ZNF442: variants seen among roughly 807,000 people sequenced by gnomAD.
ZNF442 encodes the protein zinc finger protein 442.
A neutral mutation model predicts 57.0 loss-of-function variants in ZNF442; 45 were observed. The ratio of observed to expected loss-of-function variants is 0.79; its 90% CI spans 0.62 to 1.01. The LOEUF is 1.01. Among genes scored for constraint, ZNF442 ranks in the 50% least tolerant of loss-of-function variants. The pLI is 0.00. For synonymous variants in ZNF442, 213 were observed against 241.8 expected (o/e 0.88, Z 1.10); for missense variants, 690 against 756.5 (o/e 0.91, Z 1.03).
chr19:12,362,615 C>T (rs532083393), intron 3 of ZNF442, among the ~76,000 whole-genome samples: 9 of 150,738 alleles, frequency 6.0e-5, no homozygotes, highest in South Asian at 2.1e-4. Flanking sequence ...GCCTGGCAGC[C>T]GCCCCCTCCG....
chr19:12,367,095 C>A (rs144484649), upstream of ZNF442, among the ~76,000 whole-genome samples: 1 of 152,198 alleles, frequency 6.6e-6, no homozygotes, highest in African/African-American at 2.4e-5. Context: ...AGAACCCACA[C>A]CCAGCTGAAG....
intron 3 of ZNF442, among the ~76,000 whole-genome samples, chr19:12,354,586 G>A (rs540196095): frequency 6.6e-6 from 1 of 151,390 alleles, no homozygotes; most frequent in South Asian, 2.1e-4. Flanking sequence ...TTTTTGGAGG[G>A]GGGAGACAGA....
At position 12,350,408 on chromosome 19, in the gene ZNF442, G is replaced by A. The variant is rs139433509; in HGVS notation, c.1177C>T (p.Arg393Ter). ...GKALSHHSSF[R>*]SHMIMHTGDG... ...CCAGTGTGCATTATCATATGACTTCGAAAGCTTGAGTGATGAGATAACGCT... is the reference window on the plus strand; with the variant it reads ...CCAGTGTGCATTATCATATGACTTCAAAAGCTTGAGTGATGAGATAACGCT... The change falls in exon 6 of 6, where the codon CGA becomes TGA. Residue 393 changes from arginine (R) to a stop codon, truncating the protein, a stop_gained. Coordinates refer to ENST00000242804, the MANE Select transcript of ZNF442 (RefSeq NM_030824.3). LOFTEE classifies it high-confidence loss of function. 7.6e-5 allele frequency: 122 copies of A among 1,613,204 alleles called. No individual in the cohort carries two copies. Among genetic ancestry groups the A allele is most frequent in the Admixed American group, 7.0e-4 (42 of 59,940 alleles).
At chr19:12,354,832 C>A (rs2144823259) in intron 3 of ZNF442, among the ~76,000 whole-genome samples, 1 of 152,292 alleles carries the variant, frequency 6.6e-6, no homozygotes, top group African/African-American at 2.4e-5. Flanking sequence ...GCTTACTTTA[C>A]TGTGAGAATA....
chr19:12,351,406 C>T (rs1969235957), intron 5 of ZNF442, 88 bp from the exon 6 acceptor site: 1 of 1,232,670 alleles, frequency 8.1e-7, no homozygotes, highest in Middle Eastern at 2.4e-4. Flanking sequence ...ATTTTTACAT[C>T]ATCATGCAAC....
chr19:12,352,214 G>A (rs1160546851), intron 4 of ZNF442, 144 bp from the exon 5 acceptor site: 1 of 691,310 alleles, frequency 1.4e-6, no homozygotes, highest in Non-Finnish European at 2.3e-6. Flanking sequence ...TACCTCGTAA[G>A]TCCACTTATT....
intron 3 of ZNF442, among the ~76,000 whole-genome samples, chr19:12,360,637 C>T (rs1237073458): frequency 1.3e-5 from 2 of 152,178 alleles, no homozygotes; most frequent in Non-Finnish European, 1.5e-5. Context: ...AGTGCAGTGG[C>T]GCGATCTCAG....
chr19:12,352,053 T>C lies in ZNF442; in HGVS notation c.223A>G (p.Thr75Ala). 1 of 1,613,860 alleles carries C rather than the reference T, an allele frequency of 6.2e-7. No individual in the cohort carries two copies. Among genetic ancestry groups the C allele is most frequent in the East Asian group, 2.2e-5 (1 of 44,850 alleles). Residue 75 changes from threonine (T) to alanine (A), a missense_variant, in exon 5 of 6, where the codon ACA becomes GCA. By Grantham distance (58) the Thr-to-Ala change is moderately conservative. Transcript: ENST00000242804. The part of the protein sequence containing the change: ...LDCIGMKWED[T>A]NIEDQHRNPR... Reference sequence around the variant, plus strand: ...TTTCTGTGCTGATCTTCAATGTTTGTGTCTTCCCATTTCATTCCTAAAAGG... The same window carrying C: ...TTTCTGTGCTGATCTTCAATGTTTGCGTCTTCCCATTTCATTCCTAAAAGG...
At chr19:12,368,632 C>T (rs1969557112), upstream of ZNF442, among the ~76,000 whole-genome samples, 1 of 152,176 alleles carries the variant, frequency 6.6e-6, no homozygotes, top group Non-Finnish European at 1.5e-5. Context: ...CCACCTGGTA[C>T]CTCTAGCCCC....
Position 12,362,835 on chromosome 19 carries a change from C to CACGG in ZNF442, c.78+715_78+718dup, listed in dbSNP as rs1257817817. Among the ~76,000 whole-genome samples the CACGG allele has an allele frequency of 2.9e-4, 44 of 150,040 alleles. 2 individuals are homozygous for CACGG. The highest frequency in any genetic ancestry group is 3.0e-5 in the Non-Finnish European group (2 of 67,630). On this transcript the variant is annotated intron_variant, in intron 3 of 5. Coordinates refer to ENST00000242804, the MANE Select transcript of ZNF442 (RefSeq NM_030824.3). ...TTGTGTCTGTGTAGAAAGAAGTAGACACGGGAGACTCCATTTTGTTCTGTA... is the reference window on the plus strand; with the variant it reads ...TTGTGTCTGTGTAGAAAGAAGTAGACACGGACGGGAGACTCCATTTTGTTCTGTA...
chr19:12,356,914 TG>T (rs977107764), intron 3 of ZNF442, among the ~76,000 whole-genome samples: 273 of 152,250 alleles, frequency 1.8e-3, no homozygotes, highest in African/African-American at 6.2e-3. Context: ...TTTTTCCCAA[TG>T]AATAGTATCC....
upstream of ZNF442, among the ~76,000 whole-genome samples, chr19:12,370,278 C>T (rs886100379): frequency 6.6e-6 from 1 of 151,680 alleles, no homozygotes; most frequent in Non-Finnish European, 1.5e-5. Flanking sequence ...CAACCTGGAT[C>T]CCTTGTGTGC....
the ZNF442 span, among the ~76,000 whole-genome samples, chr19:12,373,060 CCG>C: frequency 3.9e-5 from 6 of 152,180 alleles, no homozygotes; most frequent in Non-Finnish European, 8.8e-5. Context: ...GTGTCAGCCA[CCG>C]CACCCAGCCG....
chr19:12,359,969 G>A (rs572276267), intron 3 of ZNF442, among the ~76,000 whole-genome samples: 6 of 151,358 alleles, frequency 4.0e-5, no homozygotes, highest in African/African-American at 1.2e-4. Context: ...CAGAGCTCTC[G>A]AGACTCTCAA....
chr19:12,359,194 C>T (rs1969383306), intron 3 of ZNF442, among the ~76,000 whole-genome samples: 1 of 152,166 alleles, frequency 6.6e-6, no homozygotes, highest in African/African-American at 2.4e-5. Context: ...AGGTGTCTTT[C>T]TCTAAATCAG....
intron 3 of ZNF442, 33 bp downstream of exon 3, chr19:12,363,521 A>C (rs1356847850): frequency 6.2e-7 from 1 of 1,607,708 alleles, no homozygotes; most frequent in African/African-American, 1.3e-5. Flanking sequence ...AGGTTCTTGC[A>C]CAACTGGAAT....
rs1969502862 is a variant in ZNF442 at position 12,364,790 on chromosome 19, T to C, written c.-41+12A>G. On this transcript the variant is annotated intron_variant, in intron 2 of 5. Transcript: ENST00000242804. The stretch of plus-strand genomic sequence containing the variant: ...TCTGGATTCTGATTGCAGTTAGATA[T>C]TAACCAGGTACCCTGAGCCCCACTG... 1 of 152,192 alleles carries C rather than the reference T, an allele frequency of 6.6e-6. No individual in the cohort carries two copies. The highest frequency in any genetic ancestry group is 2.4e-5 in the African/African-American group (1 of 41,410). The allele number at this position is 152,192 out of a possible 1,614,324, so 9.4% of individuals were successfully genotyped here. A position where few individuals can be genotyped will look rare whatever the true frequency, so the allele number is the denominator to read the frequency against.
At position 12,351,861 on chromosome 19, in the gene ZNF442, C is replaced by T. The variant is rs1172276819; in HGVS notation, c.266+149G>A. 6.2e-6 allele frequency: 4 copies of T among 643,478 alleles called. No homozygotes were observed. The East Asian group carries it at 1.1e-4, about 18-fold the overall frequency. The allele number at this position is 643,478 out of a possible 1,614,324, so 39.9% of individuals were successfully genotyped here. ...TTGCAAACACTGAATAGTTATATCA[C>T]ATTTAAGTATATGTTTCTGGAGAAA... On this transcript the variant is annotated intron_variant, in intron 5 of 5. Coordinates refer to ENST00000242804, the MANE Select transcript of ZNF442 (RefSeq NM_030824.3).
rs756698924 is a variant in ZNF442 at position 12,351,132 on chromosome 19, C to A, written c.453G>T (p.Lys151Asn). ...TCCCACATTGTTTATGTGTATGTGG[C>A]TTCTCTCCATATTCCTGACACTCAT... ...KPDECQEYGE[K>N]PHTHKQCGTA... Residue 151 changes from lysine to asparagine, a missense_variant, in exon 6 of 6, where the codon AAG (lysine) becomes AAT (asparagine). Transcript: ENST00000242804. 6.2e-7 allele frequency: 1 copy of A among 1,614,122 alleles called. No homozygotes were observed. Among genetic ancestry groups the A allele is most frequent in the African/African-American group, 1.3e-5 (1 of 75,016 alleles).
Sources: gnomAD v4.1 joint callset for allele counts (sites outside exome capture counted in the v4.1 genomes callset) on GRCh38, gnomAD v4.1.1 for gene constraint, MANE v1.5 for transcripts, NCBI Gene and HGNC (gene_info 2026-07-23, HGNC 2026-07-21) for gene names.